Variants in KCNMA1 observed in about 807,000 individuals in gnomAD.
KCNMA1 encodes Calcium-activated potassium channel subunit alpha-1.
KCNMA1 carries 29 observed loss-of-function variants against 140.0 expected under a neutral mutation model. That is an observed-to-expected ratio of 0.21 (90% CI 0.15 to 0.28). The LOEUF is 0.28. Ranked by LOEUF, KCNMA1 falls within the 10% of genes least tolerant of loss-of-function variation. KCNMA1 has a pLI of 1.00. For missense variants in KCNMA1, 880 were observed against 1,602.2 expected (o/e 0.55, Z 7.70); for synonymous variants, 612 against 611.9 (o/e 1.00, Z 0.00).
chr10:77,492,992 G>T (rs992158468), intron 1 of KCNMA1, among the ~76,000 whole-genome samples: 1 of 152,248 alleles, frequency 6.6e-6, no homozygotes, highest in East Asian at 1.9e-4. Context: ...CAAAGCCAGT[G>T]AATGGGGATT....
chr10:77,575,517 T>C (rs2073749021), intron 1 of KCNMA1, among the ~76,000 whole-genome samples: 1 of 152,192 alleles, frequency 6.6e-6, no homozygotes, highest in Admixed American at 6.5e-5. Context: ...CTTTCTGGTG[T>C]GCCTTCCAGA....
At chr10:77,537,278 G>A (rs757780266) in intron 1 of KCNMA1, among the ~76,000 whole-genome samples, 6 of 152,184 alleles carry the variant, frequency 3.9e-5, no homozygotes, top group African/African-American at 7.2e-5. Context: ...AATGCCTTCC[G>A]TTTGGTCCAT....
intron 5 of KCNMA1, among the ~76,000 whole-genome samples, chr10:77,178,991 G>A (rs569495654): frequency 5.8e-4 from 89 of 152,142 alleles, no homozygotes; most frequent in Non-Finnish European, 1.1e-3. Context: ...CCTCACATCC[G>A]CTGCCTTATT....
chr10:77,436,501 C>A (rs1179849498), intron 1 of KCNMA1, among the ~76,000 whole-genome samples: 6 of 152,208 alleles, frequency 3.9e-5, no homozygotes, highest in Admixed American at 3.3e-4. Context: ...GAACTGGAAT[C>A]TCTGCACCAT....
At chr10:76,909,726 C>T (rs555119842) in intron 25 of KCNMA1, among the ~76,000 whole-genome samples, 1 of 152,320 alleles carries the variant, frequency 6.6e-6, no homozygotes, top group East Asian at 1.9e-4. Flanking sequence ...AAAACCAGGT[C>T]AAGCCCTCAC....
At chr10:77,258,453 C>A (rs927463393) in intron 2 of KCNMA1, among the ~76,000 whole-genome samples, 3 of 152,150 alleles carry the variant, frequency 2.0e-5, no homozygotes, top group Non-Finnish European at 4.4e-5. Context: ...GCCATCACTA[C>A]AGAAAATTGA....
At chr10:77,068,292 A>G (rs1358324062) in intron 14 of KCNMA1, among the ~76,000 whole-genome samples, 5 of 152,212 alleles carry the variant, frequency 3.3e-5, no homozygotes, top group African/African-American at 1.2e-4. Flanking sequence ...AAAGTCCTTG[A>G]TTTACATTTT....
At chr10:77,010,071 C>T (rs1048291457) in intron 18 of KCNMA1, among the ~76,000 whole-genome samples, 3 of 152,200 alleles carry the variant, frequency 2.0e-5, no homozygotes, top group Non-Finnish European at 2.9e-5. Context: ...ATGTGAATCA[C>T]AGTCTTGCTA....
intron 10 of KCNMA1, among the ~76,000 whole-genome samples, chr10:77,087,040 T>G (rs1240594052): frequency 6.6e-6 from 1 of 152,142 alleles, no homozygotes; most frequent in Non-Finnish European, 1.5e-5. Flanking sequence ...CTACCCTCCT[T>G]TGTGGGAGTG....
intron 1 of KCNMA1, among the ~76,000 whole-genome samples, chr10:77,528,738 A>T (rs1246856819): frequency 6.6e-6 from 1 of 152,208 alleles, no homozygotes; most frequent in Non-Finnish European, 1.5e-5. Context: ...GAATAAGAAA[A>T]ATGTGGTGTG....
At chr10:77,250,366 C>T (rs1222255356) in intron 3 of KCNMA1, 1 of 152,282 alleles carries the variant, frequency 6.6e-6, no homozygotes, top group Non-Finnish European at 1.5e-5. Flanking sequence ...TAGACTCCAG[C>T]TTGTTTCCCA....
intron 23 of KCNMA1, among the ~76,000 whole-genome samples, chr10:76,933,980 G>A (rs2059892950): frequency 6.6e-6 from 1 of 151,132 alleles, no homozygotes; most frequent in Non-Finnish European, 1.5e-5. Flanking sequence ...TTTGTTTTTG[G>A]TTTTGTTTTT....
intron 2 of KCNMA1, among the ~76,000 whole-genome samples, chr10:77,322,174 A>G (rs1180168130): frequency 1.3e-5 from 2 of 152,186 alleles, no homozygotes; most frequent in African/African-American, 4.8e-5. Context: ...AAGCAGGTAG[A>G]GGCATTTTAC....
intron 1 of KCNMA1, among the ~76,000 whole-genome samples, chr10:77,561,666 G>C (rs1009489338): frequency 6.6e-6 from 1 of 152,136 alleles, no homozygotes; most frequent in Admixed American, 6.5e-5. Flanking sequence ...GGGTAAGGCA[G>C]GTCCATGACC....
In KCNMA1 at chr10:77,485,487, G is replaced by A. The variant is rs760592384; in HGVS notation, c.379-81464C>T. Among the ~76,000 whole-genome samples, 52 of 152,270 alleles carry A rather than the reference G, an allele frequency of 3.4e-4. 1 individual carries two copies. The highest frequency in any genetic ancestry group is 1.6e-3 in the Admixed American group (25 of 15,290). On this transcript the variant is annotated intron_variant, in intron 1 of 27. Transcript: ENST00000286628. ...GTGCTCTGTGGTTCGAGGAAAAGCCGTTTCCTTTCTGTTAGCAAGCCCCTA... is the reference window on the plus strand; with the variant it reads ...GTGCTCTGTGGTTCGAGGAAAAGCCATTTCCTTTCTGTTAGCAAGCCCCTA...
intron 1 of KCNMA1, among the ~76,000 whole-genome samples, chr10:77,624,387 C>T (rs2092132669): frequency 6.6e-6 from 1 of 152,114 alleles, no homozygotes. Context: ...AGTAGAGTCA[C>T]AAAAACCTAT....
chr10:76,965,099 A>G (rs2073345029), intron 20 of KCNMA1, among the ~76,000 whole-genome samples: 1 of 152,180 alleles, frequency 6.6e-6, no homozygotes, highest in African/African-American at 2.4e-5. Flanking sequence ...AGCTATTTAG[A>G]GACAAAGTCT....
chr10:77,567,794 T>TA (rs1249481928), intron 1 of KCNMA1, among the ~76,000 whole-genome samples: 1 of 152,038 alleles, frequency 6.6e-6, no homozygotes, highest in African/African-American at 2.4e-5. Context: ...TTATTTTTTT[T>TA]AAAAAAACTG....
intron 2 of KCNMA1, among the ~76,000 whole-genome samples, chr10:77,325,747 G>C (rs1274634512): frequency 6.6e-6 from 1 of 152,168 alleles, no homozygotes; most frequent in African/African-American, 2.4e-5. Flanking sequence ...GCTTGCCTCT[G>C]CTGCCCCAAC....
Sources: allele counts gnomAD v4.1 joint callset (sites outside exome capture counted in the v4.1 genomes callset), GRCh38; gene constraint gnomAD v4.1.1; transcripts MANE v1.5; gene names NCBI Gene and HGNC (gene_info 2026-07-23, HGNC 2026-07-21).